The following RANBP2 variants were observed in gnomAD, a reference collection of about 807,000 sequenced individuals.
RANBP2 encodes RAN binding protein 2, also known as E3 SUMO-protein ligase RanBP2.
Under a neutral mutation model 303.6 loss-of-function variants are expected in RANBP2, and 57 were observed. The observed-to-expected ratio is 0.19, with a 90% CI of 0.15 to 0.23. The LOEUF (loss-of-function observed/expected upper bound fraction) is 0.23. Ranked by LOEUF, RANBP2 falls within the 10% of genes least tolerant of loss-of-function variation. RANBP2 has a pLI of 1.00. For synonymous variants in RANBP2, 1,167 were observed against 1,301.5 expected, an observed-to-expected ratio of 0.90 and a Z score of 2.23; for missense variants, 3,138 against 3,780.8, an observed-to-expected ratio of 0.83 and a Z score of 4.46.
the RANBP2 span, among the ~76,000 whole-genome samples, chr2:109,608,385 T>C: frequency 4.6e-5 from 7 of 152,218 alleles, no homozygotes; most frequent in Non-Finnish European, 1.0e-4. Flanking sequence ...AATAGGACTT[T>C]CTTGCTATCC....
the RANBP2 span, among the ~76,000 whole-genome samples, chr2:109,568,251 G>A: frequency 6.6e-6 from 1 of 151,928 alleles, no homozygotes; most frequent in South Asian, 2.1e-4. Flanking sequence ...GGCCTGTGAC[G>A]CCCAGTGTAT....
At chr2:108,812,951 A>G in the RANBP2 span, 2 of 1,608,160 alleles carry the variant, frequency 1.2e-6, no homozygotes, top group Middle Eastern at 1.7e-4. Context: ...ATGATTTGAT[A>G]TGATTGAAAA....
the RANBP2 span, among the ~76,000 whole-genome samples, chr2:108,926,679 C>T: frequency 1.3e-5 from 2 of 152,226 alleles, no homozygotes; most frequent in African/African-American, 4.8e-5. Flanking sequence ...CACACAACCT[C>T]TCCCAACAGG....
At chr2:109,593,042 C>T in the RANBP2 span, 1 of 1,568,150 alleles carries the variant, frequency 6.4e-7, no homozygotes, top group Non-Finnish European at 8.6e-7. Context: ...ATTTAAAAGA[C>T]ATACTCACTA....
At chr2:108,827,442 T>C in the RANBP2 span, among the ~76,000 whole-genome samples, 1 of 152,194 alleles carries the variant, frequency 6.6e-6, no homozygotes, top group African/African-American at 2.4e-5. Flanking sequence ...AATTGGATAA[T>C]CAAGGGATTT....
chr2:109,073,108 G>A, the RANBP2 span, among the ~76,000 whole-genome samples: 2 of 152,158 alleles, frequency 1.3e-5, no homozygotes, highest in African/African-American at 4.8e-5. Flanking sequence ...GGAGATATGT[G>A]ATTTACCAGA....
the RANBP2 span, among the ~76,000 whole-genome samples, chr2:108,905,029 TAAA>T: frequency 6.6e-6 from 1 of 152,062 alleles, no homozygotes; most frequent in Non-Finnish European, 1.5e-5. Context: ...TATCTCAAAA[TAAA>T]AAGTTTAATT....
chr2:109,486,990 G>A, the RANBP2 span, among the ~76,000 whole-genome samples: 363 of 152,284 alleles, frequency 2.4e-3, 3 homozygotes, highest in Non-Finnish European at 4.2e-3. Flanking sequence ...AGGGTCATTG[G>A]AATGGAAAGT....
At chr2:109,635,328 G>T in the RANBP2 span, among the ~76,000 whole-genome samples, 3 of 152,260 alleles carry the variant, frequency 2.0e-5, no homozygotes, top group Non-Finnish European at 4.4e-5. Context: ...GATTACAGGT[G>T]CATGCCACAA....
chr2:108,855,515 A>C, the RANBP2 span, among the ~76,000 whole-genome samples: 4 of 152,100 alleles, frequency 2.6e-5, no homozygotes, highest in Non-Finnish European at 4.4e-5. Flanking sequence ...GTTTCTAAAT[A>C]AGGCAAGTCT....
intron 4 of RANBP2, among the ~76,000 whole-genome samples, chr2:108,733,074 C>T (rs1270208799): frequency 2.0e-5 from 3 of 151,962 alleles, no homozygotes; most frequent in African/African-American, 7.2e-5. Context: ...TCTGCCTGCC[C>T]CAGCCTCCCA....
the RANBP2 span, among the ~76,000 whole-genome samples, chr2:109,387,868 G>T: frequency 6.8e-6 from 1 of 147,312 alleles, no homozygotes; most frequent in Non-Finnish European, 1.5e-5. Flanking sequence ...TGGGGGGGGG[G>T]TCTCCTCCCC....
chr2:109,516,442 G>A, the RANBP2 span, among the ~76,000 whole-genome samples: 2 of 152,218 alleles, frequency 1.3e-5, no homozygotes, highest in South Asian at 4.1e-4. Context: ...CCTACAGCTG[G>A]GGCTGAGCAC....
the RANBP2 span, among the ~76,000 whole-genome samples, chr2:109,328,127 CAAAA>C: frequency 6.6e-6 from 1 of 152,140 alleles, no homozygotes; most frequent in Non-Finnish European, 1.5e-5. Context: ...AGTCTTAAAA[CAAAA>C]AACAGCCAAA....
the RANBP2 span, among the ~76,000 whole-genome samples, chr2:109,435,539 A>C: frequency 1.7e-4 from 26 of 152,140 alleles, no homozygotes; most frequent in Non-Finnish European, 1.6e-4. Context: ...GAGCATTGTG[A>C]GTCCATTTAA....
At chr2:109,353,864 C>T in the RANBP2 span, among the ~76,000 whole-genome samples, 1 of 152,094 alleles carries the variant, frequency 6.6e-6, no homozygotes, top group East Asian at 1.9e-4. Context: ...CACCTGTGGC[C>T]GCAGGTTCCC....
the RANBP2 span, among the ~76,000 whole-genome samples, chr2:109,001,517 G>A: frequency 1.3e-5 from 2 of 152,174 alleles, no homozygotes; most frequent in Non-Finnish European, 2.9e-5. Flanking sequence ...GGGAGAGGGG[G>A]ACCCTCCCAC....
At chr2:109,598,642 A>G in the RANBP2 span, among the ~76,000 whole-genome samples, 1 of 151,984 alleles carries the variant, frequency 6.6e-6, no homozygotes, top group African/African-American at 2.4e-5. Context: ...CAGGAGGTCA[A>G]CACCAGCCTG....
At chr2:109,079,119 G>A in the RANBP2 span, among the ~76,000 whole-genome samples, 1 of 151,882 alleles carries the variant, frequency 6.6e-6, no homozygotes, top group Non-Finnish European at 1.5e-5. Context: ...ACTTATATGG[G>A]GATTTTCTTC....
Sources: allele counts gnomAD v4.1 joint callset (sites outside exome capture counted in the v4.1 genomes callset), GRCh38; gene constraint gnomAD v4.1.1; transcripts MANE v1.5; gene names NCBI Gene and HGNC (gene_info 2026-07-23, HGNC 2026-07-21).